The following ARHGEF19 variants were observed in gnomAD, a reference collection of about 807,000 sequenced individuals.
ARHGEF19 encodes Rho guanine nucleotide exchange factor (GEF) 19.
In ARHGEF19, 92 loss-of-function variants were observed where a neutral mutation model predicts 87.6. The ratio of observed to expected loss-of-function variants is 1.05; its 90% CI spans 0.89 to 1.25. ARHGEF19 has a LOEUF of 1.25. ARHGEF19 is among the 50% of genes most tolerant of loss of function. The pLI is 0.00. For synonymous variants in ARHGEF19, 438 were observed against 446.2 expected (o/e 0.98, Z 0.23); for missense variants, 1,054 against 1,051.8 (o/e 1.00, Z -0.03).
In ARHGEF19 at chr1:16,197,865, T is replaced by A. The variant is rs2081054711; in HGVS notation, c.*722A>T. 6.6e-6 allele frequency: 1 copy of A among 152,226 alleles called. No individual in the cohort carries two copies. The highest frequency in any genetic ancestry group is 2.4e-5 in the African/African-American group (1 of 41,456). 9.4% of individuals were successfully genotyped at this position (152,226 alleles called of 1,614,324 possible). The stretch of plus-strand genomic sequence containing the variant: ...CCACAGGAAACAAATAAAGAACTAA[T>A]CAAATCTCTTTAATGTTTAAGCCTA... On this transcript the variant is annotated 3_prime_UTR_variant, in exon 16 of 16. Transcript: ENST00000270747.
intron 14 of ARHGEF19, among the ~76,000 whole-genome samples, chr1:16,201,324 A>C (rs554583163): frequency 6.6e-6 from 1 of 152,242 alleles, no homozygotes; most frequent in African/African-American, 2.4e-5. Flanking sequence ...TTCACACCCA[A>C]AGGAAAAACC....
At position 16,198,283 on chromosome 1, in the gene ARHGEF19, C is replaced by A. The variant is rs190306313; in HGVS notation, c.*304G>T. ...CCTGCCAGAAGGACCAAGAGTCAGG[C>A]AGGATTGAGGACATAGAAAGGAGAG... is the stretch of plus-strand genomic sequence containing the variant. On this transcript the variant is annotated 3_prime_UTR_variant, in exon 16 of 16. Coordinates refer to ENST00000270747, the MANE Select transcript of ARHGEF19 (RefSeq NM_153213.5). The surrounding 1 kb of genome is among the most constrained non-coding windows in gnomAD (Gnocchi z 4.1). 8.1e-3 allele frequency: 2,026 copies of A among 251,554 alleles called. 13 individuals are homozygous for A. Among genetic ancestry groups the A allele is most frequent in the Non-Finnish European group, 0.011 (1,476 of 133,324 alleles). 15.6% of individuals were successfully genotyped at this position (251,554 alleles called of 1,614,324 possible).
chr1:16,208,622 G>A lies in ARHGEF19; in HGVS notation c.412+21C>T, dbSNP rs200563379. The stretch of plus-strand genomic sequence containing the variant: ...TCCCCCTGCCATGGCACCCACACCC[G>A]CCTTCCCCAGGGTGACTCACAGGCA... On this transcript the variant is annotated intron_variant, in intron 2 of 15. Transcript: ENST00000270747. 470 of 1,579,966 alleles carry A rather than the reference G, an allele frequency of 3.0e-4. 4 individuals are homozygous for A. The East Asian group carries it at 7.5e-3, about 25-fold the overall frequency.
chr1:16,210,915 G>C (rs1365199299), intron 1 of ARHGEF19, among the ~76,000 whole-genome samples: 1 of 152,124 alleles, frequency 6.6e-6, no homozygotes, highest in Non-Finnish European at 1.5e-5. Context: ...GAGATGGCTG[G>C]GTCTATGGCA....
intron 14 of ARHGEF19, among the ~76,000 whole-genome samples, chr1:16,199,536 C>T (rs1256111249): frequency 1.3e-5 from 2 of 152,112 alleles, no homozygotes; most frequent in Non-Finnish European, 2.9e-5. Context: ...GTCCCCTCCC[C>T]AGCTCAAGCC....
chr1:16,202,866 T>C (rs377496025), intron 12 of ARHGEF19, among the ~76,000 whole-genome samples: 53 of 151,138 alleles, frequency 3.5e-4, no homozygotes, highest in African/African-American at 1.3e-3. Context: ...TATTTGTTAG[T>C]TTTTTGGCTT....
At position 16,207,628 on chromosome 1, in the gene ARHGEF19, T is replaced by C. The variant is rs374557335; in HGVS notation, c.798-30A>G. 3.1e-6 allele frequency: 5 copies of C among 1,613,870 alleles called. No homozygotes were observed. The highest frequency in any genetic ancestry group is 4.2e-6 in the Non-Finnish European group (5 of 1,179,968). ...GAAAGAGAGAGCGTCACGGCCCTAG[T>C]TCGCCTGCACCCTGTCTCGGACCCA... On this transcript the variant is annotated intron_variant, in intron 4 of 15. Coordinates refer to ENST00000270747, the MANE Select transcript of ARHGEF19 (RefSeq NM_153213.5). This position sits in a 1 kb window ranked among gnomAD's most constrained non-coding sequence, Gnocchi z 4.0.
chr1:16,206,202 C>T lies in ARHGEF19; in HGVS notation c.1276G>A (p.Glu426Lys), dbSNP rs1477614450. ...CACCTCTCGCTGGTGCTCTTGACCT[C>T]GGGCAGTTTGGAAAACAGCCACTGC... ...DKQWLFSKLP[E>K]VKSTSERFLQ... The change falls in exon 7 of 16, where the codon GAG becomes AAG. Residue 426 changes from glutamate (E) to lysine (K), a missense_variant. By Grantham distance (56) the Glu-to-Lys change is moderately conservative. Coordinates refer to ENST00000270747, the MANE Select transcript of ARHGEF19 (RefSeq NM_153213.5). This position sits in a 1 kb window ranked among gnomAD's most constrained non-coding sequence, Gnocchi z 4.6. 2 of 1,598,192 alleles carry T rather than the reference C, an allele frequency of 1.3e-6. No homozygotes were observed. Among genetic ancestry groups the T allele is most frequent in the East Asian group, 2.2e-5 (1 of 44,486 alleles).
chr1:16,205,271 G>T lies in ARHGEF19; in HGVS notation c.1656+80C>A. 2.5e-6 allele frequency: 4 copies of T among 1,606,432 alleles called. No individual in the cohort carries two copies. The highest frequency in any genetic ancestry group is 3.4e-6 in the Non-Finnish European group (4 of 1,174,486). ...TGCCTGGGGACCGGAGACTCTGACA[G>T]CTGGGGGCTGTTTTAGAGACGTGCT... is the stretch of plus-strand genomic sequence containing the variant. On this transcript the variant is annotated intron_variant, in intron 10 of 15. Coordinates refer to ENST00000270747, the MANE Select transcript of ARHGEF19 (RefSeq NM_153213.5). The surrounding 1 kb of genome is among the most constrained non-coding windows in gnomAD (Gnocchi z 5.8).
chr1:16,207,883 G>GCCGACC lies in ARHGEF19; in HGVS notation c.694+60_694+61insGGTCGG. On this transcript the variant is annotated intron_variant, in intron 3 of 15. Transcript: ENST00000270747. The surrounding 1 kb of genome is among the most constrained non-coding windows in gnomAD (Gnocchi z 4.0). ...CTCAGGCGGCCGGTGAGTGGGCATCGCCCACCCCCACCCCCACCCGGCATC... is the reference window on the plus strand; with the variant it reads ...CTCAGGCGGCCGGTGAGTGGGCATCGCCGACCCCCACCCCCACCCCCACCCGGCATC... 1 of 1,476,432 alleles carries GCCGACC rather than the reference G, an allele frequency of 6.8e-7. No homozygotes were observed. Among genetic ancestry groups the GCCGACC allele is most frequent in the Non-Finnish European group, 9.4e-7 (1 of 1,069,262 alleles). The allele number at this position is 1,476,432 out of a possible 1,614,324, so 91.5% of individuals were successfully genotyped here.
chr1:16,204,738 C>A (rs765318082), intron 12 of ARHGEF19, 21 bp downstream of exon 12: 5 of 1,558,650 alleles, frequency 3.2e-6, no homozygotes, highest in Middle Eastern at 1.7e-4. Flanking sequence ...TACCTACCCA[C>A]CCCTGACTGC....
chr1:16,203,378 C>G (rs2081099684), intron 12 of ARHGEF19, among the ~76,000 whole-genome samples: 1 of 152,130 alleles, frequency 6.6e-6, no homozygotes, highest in South Asian at 2.1e-4. Flanking sequence ...CATCTGGTAG[C>G]TATGTCCTGT....
At chr1:16,201,732 G>A in intron 14 of ARHGEF19, 50 bp downstream of exon 14, 2 of 1,578,694 alleles carry the variant, frequency 1.3e-6, no homozygotes, top group Non-Finnish European at 8.6e-7. Flanking sequence ...GGGGAGGAGA[G>A]CGGGCGAGGG....
rs1203532417 is a variant in ARHGEF19, at chr1:16,206,594, C to T, written c.1138-254G>A. 1.5e-5 allele frequency: 8 copies of T among 534,852 alleles called. No homozygotes were observed. The highest frequency in any genetic ancestry group is 2.7e-5 in the Non-Finnish European group (8 of 298,090). The allele number at this position is 534,852 out of a possible 1,614,324, so 33.1% of individuals were successfully genotyped here. A position where few individuals can be genotyped will look rare whatever the true frequency, so the allele number is the denominator to read the frequency against. ...GTTCTTCCCAGAGCCCCGCCCACCC[C>T]CCAGGTCCCGCCCCTGATCCTGGCC... On this transcript the variant is annotated intron_variant, in intron 6 of 15. Transcript: ENST00000270747. The surrounding 1 kb of genome is among the most constrained non-coding windows in gnomAD (Gnocchi z 4.6).
At position 16,202,348 on chromosome 1, in the gene ARHGEF19, A is replaced by ATCATGGGGACGGGGTGCCCG. The variant is rs1553142719; in HGVS notation, c.2066+67_2066+68insCGGGCACCCCGTCCCCATGA. On this transcript the variant is annotated intron_variant, in intron 13 of 15. Transcript: ENST00000270747. Reference sequence around the variant, plus strand: ...TGCCCGCCATGGGGACGGGGTGCCCATCATGGGGACGGGGTGCCTGTCATG... The same window carrying ATCATGGGGACGGGGTGCCCG: ...TGCCCGCCATGGGGACGGGGTGCCCATCATGGGGACGGGGTGCCCGTCATGGGGACGGGGTGCCTGTCATG... 442 of 1,279,508 alleles carry ATCATGGGGACGGGGTGCCCG rather than the reference A, an allele frequency of 3.5e-4. 2 individuals carry two copies. In the African/African-American group the frequency reaches 6.4e-3, roughly 19 times the overall value. The allele number at this position is 1,279,508 out of a possible 1,614,324, so 79.3% of individuals were successfully genotyped here.
intron 14 of ARHGEF19, among the ~76,000 whole-genome samples, chr1:16,200,925 T>G (rs1368094815): frequency 6.8e-6 from 1 of 147,516 alleles, no homozygotes; most frequent in Non-Finnish European, 1.5e-5. Context: ...AATAAAGGCC[T>G]CCAATAAGCC....
At chr1:16,204,396 C>A (rs544869172) in intron 12 of ARHGEF19, among the ~76,000 whole-genome samples, 7 of 152,310 alleles carry the variant, frequency 4.6e-5, no homozygotes, top group African/African-American at 1.7e-4. Flanking sequence ...GAATAATCCA[C>A]GTAGCATGCC....
At position 16,205,930 on chromosome 1, in the gene ARHGEF19, C is replaced by CCAG; in HGVS notation, c.1451_1451+1insCTG (p.Leu484_Leu485insCys). ...GCCCCTTTCAGAGCCCCCAGCCCTA[C>CCAG]AGCAGGCGCTGGTAGGTGCGCTCCT... On this transcript the variant is annotated inframe_insertion and splice_region_variant. Coordinates refer to ENST00000270747, the MANE Select transcript of ARHGEF19 (RefSeq NM_153213.5). The surrounding 1 kb of genome is among the most constrained non-coding windows in gnomAD (Gnocchi z 5.8). The CCAG allele has an allele frequency of 6.2e-7, 1 of 1,605,876 alleles. No individual in the cohort carries two copies. The highest frequency in any genetic ancestry group is 8.5e-7 in the Non-Finnish European group (1 of 1,176,316).
chr1:16,209,493 C>G (rs1208873389), intron 1 of ARHGEF19, among the ~76,000 whole-genome samples: 6 of 152,218 alleles, frequency 3.9e-5, no homozygotes, highest in Non-Finnish European at 5.9e-5. Context: ...CAAATACATA[C>G]ATTGTCACAC....
Sources: allele counts gnomAD v4.1 joint callset (sites outside exome capture counted in the v4.1 genomes callset), GRCh38; gene constraint gnomAD v4.1.1; non-coding constraint Gnocchi (gnomAD v3.1); transcripts MANE v1.5; gene names NCBI Gene and HGNC (gene_info 2026-07-23, HGNC 2026-07-21).